The following TFEC variants were observed in gnomAD, a reference collection of about 807,000 sequenced individuals.
The protein encoded by TFEC is class E basic helix-loop-helix protein 34.
A neutral mutation model predicts 41.6 loss-of-function variants in TFEC; 31 were observed. That is an observed-to-expected ratio of 0.74 (90% CI 0.56 to 1.01). The LOEUF is 1.01. Ranked by LOEUF, TFEC falls within the 50% of genes least tolerant of loss-of-function variation. The probability of loss-of-function intolerance (pLI) is 0.00; values close to 1 mark genes in which losing one functional copy is unlikely to be tolerated. For synonymous variants in TFEC, 143 were observed against 140.6 expected (o/e 1.02, Z -0.12); for missense variants, 402 against 404.1 (o/e 0.99, Z 0.04).
chr7:116,110,011 G>A (rs1333903076), intron 3 of TFEC, among the ~76,000 whole-genome samples: 1 of 152,128 alleles, frequency 6.6e-6, no homozygotes, highest in Non-Finnish European at 1.5e-5. Context: ...TCACTCATAG[G>A]TGGGAACTGA....
intron 3 of TFEC, among the ~76,000 whole-genome samples, chr7:116,064,357 T>C (rs1796642578): frequency 2.6e-5 from 4 of 151,094 alleles, no homozygotes. Context: ...ATATATATTA[T>C]TTTTATTTGT....
chr7:116,025,638 G>C (rs1795558252), intron 1 of TFEC, among the ~76,000 whole-genome samples: 1 of 152,206 alleles, frequency 6.6e-6, no homozygotes, highest in South Asian at 2.1e-4. Flanking sequence ...TGTCAAGTTG[G>C]TAGCAAGCTA....
At chr7:116,018,467 A>G (rs1795275753) in intron 1 of TFEC, among the ~76,000 whole-genome samples, 1 of 152,168 alleles carries the variant, frequency 6.6e-6, no homozygotes, top group African/African-American at 2.4e-5. Flanking sequence ...TATTGGATTG[A>G]AGTAGAAGAT....
intron 2 of TFEC, among the ~76,000 whole-genome samples, chr7:115,979,506 G>A (rs1793530280): frequency 6.6e-6 from 1 of 152,102 alleles, no homozygotes; most frequent in Non-Finnish European, 1.5e-5. Flanking sequence ...TATAGGATGT[G>A]CAGTTTGTTC....
At chr7:116,082,972 T>A (rs1230646186) in intron 3 of TFEC, among the ~76,000 whole-genome samples, 5 of 151,874 alleles carry the variant, frequency 3.3e-5, no homozygotes, top group Non-Finnish European at 7.4e-5. Context: ...AATTGAAACA[T>A]CAACAATAAA....
chr7:116,092,685 C>T (rs1009742407), intron 3 of TFEC, among the ~76,000 whole-genome samples: 1 of 152,094 alleles, frequency 6.6e-6, no homozygotes, highest in Non-Finnish European at 1.5e-5. Context: ...CACATTAATA[C>T]ATTTAATTAA....
intron 1 of TFEC, chr7:116,117,602 T>G (rs191938276): frequency 6.6e-6 from 1 of 151,894 alleles, no homozygotes; most frequent in Non-Finnish European, 1.5e-5. Flanking sequence ...GTTCTCGAAC[T>G]GTTATTGACT....
intron 1 of TFEC, among the ~76,000 whole-genome samples, chr7:116,143,776 A>G (rs1483193220): frequency 6.6e-6 from 1 of 152,188 alleles, no homozygotes; most frequent in African/African-American, 2.4e-5. Context: ...CAAACATATC[A>G]CAATGCCCTT....
chr7:116,142,183 A>T (rs1012787178), intron 1 of TFEC, among the ~76,000 whole-genome samples: 10 of 152,202 alleles, frequency 6.6e-5, no homozygotes, highest in Non-Finnish European at 1.5e-4. Flanking sequence ...AAGAATGTAC[A>T]TCTTCAGAGG....
At chr7:116,109,294 G>C (rs1797794163) in intron 3 of TFEC, among the ~76,000 whole-genome samples, 1 of 152,136 alleles carries the variant, frequency 6.6e-6, no homozygotes, top group Non-Finnish European at 1.5e-5. Context: ...GCAACCTACA[G>C]AATGGGAGAA....
intron 3 of TFEC, among the ~76,000 whole-genome samples, chr7:115,973,683 C>G (rs1463999469): frequency 6.6e-6 from 1 of 151,926 alleles, no homozygotes; most frequent in East Asian, 1.9e-4. Flanking sequence ...CCTGTTCTAT[C>G]TTTTTCGATT....
chr7:116,060,568 G>A (rs551094011), intron 3 of TFEC, among the ~76,000 whole-genome samples: 10 of 152,188 alleles, frequency 6.6e-5, no homozygotes, highest in Non-Finnish European at 1.3e-4. Context: ...GTGGAAACAC[G>A]GATACAGCTG....
At position 115,940,540 on chromosome 7, in the gene TFEC, C is replaced by T; in HGVS notation, c.*11G>A. 1 of 1,589,920 alleles carries T rather than the reference C, an allele frequency of 6.3e-7. No homozygotes were observed. The highest frequency in any genetic ancestry group is 1.7e-5 in the Admixed American group (1 of 57,978). On this transcript the variant is annotated 3_prime_UTR_variant, in exon 8 of 8. Coordinates refer to ENST00000265440, the MANE Select transcript of TFEC (RefSeq NM_012252.4). ...TTGCTTTCCAGTTGATGAATTGGGT[C>T]TGTTTATTTCTTATAATTCATCACC...
At chr7:115,989,802 G>C (rs1430744844) in intron 1 of TFEC, among the ~76,000 whole-genome samples, 1 of 152,192 alleles carries the variant, frequency 6.6e-6, no homozygotes, top group Non-Finnish European at 1.5e-5. Context: ...TCTAGGGGCA[G>C]GGCATAACTG....
chr7:115,993,108 C>T (rs1296532209), intron 1 of TFEC, among the ~76,000 whole-genome samples: 3 of 152,194 alleles, frequency 2.0e-5, no homozygotes, highest in Non-Finnish European at 4.4e-5. Flanking sequence ...ACAAAAACCA[C>T]ATGATTATCT....
chr7:116,084,651 T>C (rs1029085670), intron 3 of TFEC, among the ~76,000 whole-genome samples: 1 of 151,886 alleles, frequency 6.6e-6, no homozygotes, highest in African/African-American at 2.4e-5. Context: ...ATTATTAGAA[T>C]TCTGAAATAA....
intron 3 of TFEC, among the ~76,000 whole-genome samples, chr7:116,106,994 T>C (rs551563086): frequency 1.8e-4 from 27 of 152,332 alleles, no homozygotes; most frequent in Admixed American, 1.7e-3. Context: ...TTAGAGACTA[T>C]ATTTGGGTCA....
At chr7:115,942,513 G>C (rs1311648338) in intron 6 of TFEC, among the ~76,000 whole-genome samples, 1 of 151,918 alleles carries the variant, frequency 6.6e-6, no homozygotes, top group Non-Finnish European at 1.5e-5. Context: ...AAAAATTAAA[G>C]TCCCTCCTGA....
chr7:116,138,152 A>AAAAATCTGAC (rs1798470394), intron 1 of TFEC, among the ~76,000 whole-genome samples: 1 of 152,188 alleles, frequency 6.6e-6, no homozygotes, highest in South Asian at 2.1e-4. Context: ...CTATTAAATT[A>AAAAATCTGAC]AAAATCTGAC....
Sources: gnomAD v4.1 joint callset for allele counts (sites outside exome capture counted in the v4.1 genomes callset) on GRCh38, gnomAD v4.1.1 for gene constraint, MANE v1.5 for transcripts, NCBI Gene and HGNC (gene_info 2026-07-23, HGNC 2026-07-21) for gene names.